The following XKR4 variants were observed in gnomAD, a reference collection of about 807,000 sequenced individuals.
XKR4 encodes the protein XK related 4.
Under a neutral mutation model 53.9 loss-of-function variants are expected in XKR4, and 12 were observed. The ratio of observed to expected loss-of-function variants is 0.22; its 90% CI spans 0.14 to 0.36. The LOEUF is 0.36. XKR4 is among the 10% of genes least tolerant of loss of function. XKR4 has a pLI of 1.00. For synonymous variants in XKR4, 354 were observed against 362.4 expected, an observed-to-expected ratio of 0.98 and a Z score of 0.26; for missense variants, 799 against 859.5, an observed-to-expected ratio of 0.93 and a Z score of 0.88.
intron 1 of XKR4, among the ~76,000 whole-genome samples, chr8:55,308,722 TA>T (rs1819346349): frequency 6.6e-6 from 1 of 152,224 alleles, no homozygotes; most frequent in Admixed American, 6.5e-5. Flanking sequence ...ATAGTGGCTT[TA>T]TTTGAAATAA....
intron 2 of XKR4, among the ~76,000 whole-genome samples, chr8:55,462,165 A>T (rs912963328): frequency 1.3e-5 from 2 of 152,228 alleles, no homozygotes; most frequent in African/African-American, 4.8e-5. Flanking sequence ...TCCAAGACAC[A>T]TAATTGTCAG....
intron 1 of XKR4, among the ~76,000 whole-genome samples, chr8:55,198,676 T>A (rs1421009933): frequency 6.6e-6 from 1 of 152,052 alleles, no homozygotes; most frequent in African/African-American, 2.4e-5. Context: ...TCTTAGAAAA[T>A]GTTAGAAGAA....
rs1806929045 is a variant in XKR4 at position 55,530,159 on chromosome 8, G to GGAAGGAAGGAAGGAA, written c.*5934_*5948dup. The GGAAGGAAGGAAGGAA allele has an allele frequency of 1.8e-5, 1 of 55,370 alleles. No homozygotes were observed. Among genetic ancestry groups the GGAAGGAAGGAAGGAA allele is most frequent in the Admixed American group, 2.0e-4 (1 of 5,110 alleles). 3.4% of individuals were successfully genotyped at this position (55,370 alleles called of 1,614,324 possible). ...AGGGAAGGAAGAAGGAAGGAAGGAA[G>GGAAGGAAGGAAGGAA]GAAGGAAGGAAGGAAGGAAGGAAGG... On this transcript the variant is annotated 3_prime_UTR_variant, in exon 3 of 3. Transcript: ENST00000327381.
intron 1 of XKR4, among the ~76,000 whole-genome samples, chr8:55,327,742 C>G (rs1803315438): frequency 6.6e-6 from 1 of 152,114 alleles, no homozygotes; most frequent in South Asian, 2.1e-4. Context: ...CCATATTTGA[C>G]AGAAGAATTT....
intron 1 of XKR4, among the ~76,000 whole-genome samples, chr8:55,312,109 G>A (rs1301658007): frequency 6.6e-6 from 1 of 151,696 alleles, no homozygotes; most frequent in Non-Finnish European, 1.5e-5. Context: ...AGTTAAAAAT[G>A]TGGCCACTTT....
chr8:55,383,179 C>G (rs1367651504), intron 2 of XKR4, among the ~76,000 whole-genome samples: 3 of 152,144 alleles, frequency 2.0e-5, no homozygotes, highest in Admixed American at 2.0e-4. Context: ...CGCCACTGCA[C>G]TCCAGCCTGG....
At chr8:55,150,021 T>G (rs150004277) in intron 1 of XKR4, among the ~76,000 whole-genome samples, 10 of 152,354 alleles carry the variant, frequency 6.6e-5, no homozygotes, top group African/African-American at 2.4e-4. Flanking sequence ...GTACTGGCCA[T>G]TCTACTCCTA....
At chr8:55,257,862 T>C (rs143091194) in intron 1 of XKR4, among the ~76,000 whole-genome samples, 349 of 152,344 alleles carry the variant, frequency 2.3e-3, no homozygotes, top group Non-Finnish European at 3.6e-3. Flanking sequence ...CAGGTCATAT[T>C]TGTTTTCTTC....
chr8:55,291,354 C>T (rs1819016960), intron 1 of XKR4, among the ~76,000 whole-genome samples: 1 of 152,138 alleles, frequency 6.6e-6, no homozygotes, highest in Non-Finnish European at 1.5e-5. Context: ...AGTTCCTTTG[C>T]CTGTCCTTAT....
intron 1 of XKR4, among the ~76,000 whole-genome samples, chr8:55,274,519 G>A (rs967420980): frequency 8.6e-5 from 13 of 151,020 alleles, no homozygotes; most frequent in Non-Finnish European, 1.0e-4. Context: ...TGCAGCCTCC[G>A]CCTCCCGGGT....
At chr8:55,126,005 T>A (rs973271919) in intron 1 of XKR4, among the ~76,000 whole-genome samples, 3 of 152,188 alleles carry the variant, frequency 2.0e-5, no homozygotes, top group African/African-American at 7.2e-5. Flanking sequence ...TGTATTCCTT[T>A]TTTTTATGAG....
At chr8:55,277,199 T>C (rs189166352) in intron 1 of XKR4, among the ~76,000 whole-genome samples, 82 of 152,332 alleles carry the variant, frequency 5.4e-4, no homozygotes, top group Middle Eastern at 3.4e-3. Context: ...TGTTCAATTA[T>C]GTGCATCTCT....
chr8:55,331,895 T>C (rs1052415955), intron 1 of XKR4, among the ~76,000 whole-genome samples: 4 of 151,620 alleles, frequency 2.6e-5, no homozygotes, highest in African/African-American at 9.7e-5. Context: ...TCCATTCTAC[T>C]AATCTGTGTC....
chr8:55,449,562 G>A (rs1229886050), intron 2 of XKR4: 2 of 1,479,560 alleles, frequency 1.4e-6, no homozygotes, highest in African/African-American at 1.4e-5. Flanking sequence ...TGGGCTGAGG[G>A]CACGTCCTGG....
intron 1 of XKR4, among the ~76,000 whole-genome samples, chr8:55,147,392 T>G (rs1427002101): frequency 6.6e-6 from 1 of 152,210 alleles, no homozygotes; most frequent in Admixed American, 6.5e-5. Flanking sequence ...TGAAATCACA[T>G]TAAAGAGAGG....
chr8:55,282,404 G>A (rs1255123084), intron 1 of XKR4, among the ~76,000 whole-genome samples: 1 of 152,154 alleles, frequency 6.6e-6, no homozygotes, highest in Admixed American at 6.5e-5. Context: ...CTCATGAACT[G>A]CAGGCTATAT....
intron 2 of XKR4, among the ~76,000 whole-genome samples, chr8:55,446,218 C>T (rs555297081): frequency 1.3e-5 from 2 of 152,186 alleles, no homozygotes; most frequent in Non-Finnish European, 2.9e-5. Context: ...CCTGGCCCAG[C>T]GCAAACTAAC....
chr8:55,138,857 T>C (rs934474385), intron 1 of XKR4, among the ~76,000 whole-genome samples: 2 of 152,172 alleles, frequency 1.3e-5, no homozygotes. Context: ...AAGGACCCCA[T>C]GTAAAAAGAT....
chr8:55,484,090 G>A (rs143012776), intron 2 of XKR4, among the ~76,000 whole-genome samples: 4 of 152,162 alleles, frequency 2.6e-5, no homozygotes, highest in Middle Eastern at 3.4e-3. Flanking sequence ...TAGGTGAAAC[G>A]AACCAATTCC....
Sources: allele counts gnomAD v4.1 joint callset (sites outside exome capture counted in the v4.1 genomes callset), GRCh38; gene constraint gnomAD v4.1.1; transcripts MANE v1.5; gene names NCBI Gene and HGNC (gene_info 2026-07-23, HGNC 2026-07-21).